OXR1: variants seen among roughly 807,000 people sequenced by gnomAD.
The protein encoded by OXR1 is oxidation resistance protein 1.
OXR1 carries 41 observed loss-of-function variants against 104.6 expected under a neutral mutation model. The ratio of observed to expected loss-of-function variants is 0.39; its 90% confidence interval spans 0.31 to 0.51. OXR1 has a LOEUF of 0.51. OXR1 is among the 20% of genes least tolerant of loss of function. The pLI is 0.77. For synonymous variants in OXR1, 348 were observed against 348.4 expected (o/e 1.00, Z 0.01); for missense variants, 955 against 1,031.9 (o/e 0.93, Z 1.02).
At chr8:106,357,137 G>A (rs1356075967) in intron 1 of OXR1, among the ~76,000 whole-genome samples, 1 of 151,494 alleles carries the variant, frequency 6.6e-6, no homozygotes, top group Non-Finnish European at 1.5e-5. Flanking sequence ...GTCCTCTAAA[G>A]ATGGAATTAA....
chr8:106,387,265 G>A (rs1019053827), intron 2 of OXR1, among the ~76,000 whole-genome samples: 4 of 152,228 alleles, frequency 2.6e-5, no homozygotes, highest in African/African-American at 9.6e-5. Context: ...ATCAGGGAAT[G>A]CAGGTTTGCA....
chr8:106,472,269 A>G (rs1043745090), intron 2 of OXR1, among the ~76,000 whole-genome samples: 7 of 151,808 alleles, frequency 4.6e-5, no homozygotes, highest in Non-Finnish European at 7.4e-5. Flanking sequence ...TTATAGGCAA[A>G]CAATATAATC....
intron 2 of OXR1, among the ~76,000 whole-genome samples, chr8:106,408,790 C>T (rs1292958026): frequency 1.3e-5 from 2 of 152,166 alleles, no homozygotes; most frequent in East Asian, 3.8e-4. Flanking sequence ...GTAAGAGCAG[C>T]TAGGTGACTG....
intron 3 of OXR1, chr8:106,581,397 C>T (rs908591049): frequency 3.6e-5 from 15 of 417,290 alleles, no homozygotes; most frequent in South Asian, 4.4e-5. Context: ...ATAGTAGATT[C>T]GGATATTTGT....
At chr8:106,566,686 C>T (rs934068349) in intron 3 of OXR1, among the ~76,000 whole-genome samples, 1 of 152,204 alleles carries the variant, frequency 6.6e-6, no homozygotes, top group Non-Finnish European at 1.5e-5. Context: ...TTTATTATAG[C>T]ACTATTCACA....
At chr8:106,738,904 A>G in intron 12 of OXR1, among the ~76,000 whole-genome samples, 1 of 152,170 alleles carries the variant, frequency 6.6e-6, no homozygotes, top group East Asian at 1.9e-4. Flanking sequence ...GAAAGCATTT[A>G]AAAAAATGGT....
At chr8:106,656,977 T>C (rs1296403937) in intron 3 of OXR1, among the ~76,000 whole-genome samples, 1 of 152,006 alleles carries the variant, frequency 6.6e-6, no homozygotes, top group Non-Finnish European at 1.5e-5. Context: ...CCCCAATATA[T>C]TAATATATTG....
At chr8:106,296,123 T>G (rs960118880) in intron 1 of OXR1, among the ~76,000 whole-genome samples, 4 of 152,226 alleles carry the variant, frequency 2.6e-5, no homozygotes, top group African/African-American at 9.6e-5. Flanking sequence ...TGAAGTCTCC[T>G]GCTGGTTGTC....
At chr8:106,422,636 A>G (rs1231969275) in intron 2 of OXR1, among the ~76,000 whole-genome samples, 1 of 152,146 alleles carries the variant, frequency 6.6e-6, no homozygotes, top group Non-Finnish European at 1.5e-5. Flanking sequence ...ATGACTTCTC[A>G]GAGTTCATAC....
intron 3 of OXR1, among the ~76,000 whole-genome samples, chr8:106,577,378 C>CTTTT (rs5893798): frequency 0.013 from 546 of 43,620 alleles, 92 homozygotes; most frequent in South Asian, 0.021. Context: ...GCCCAGCTAA[C>CTTTT]TTTTTTTTTT....
chr8:106,677,319 T>C (rs1827704060), intron 3 of OXR1, among the ~76,000 whole-genome samples: 1 of 152,188 alleles, frequency 6.6e-6, no homozygotes, highest in East Asian at 1.9e-4. Context: ...TTATTTTATC[T>C]TAAAATAGTT....
intron 1 of OXR1, among the ~76,000 whole-genome samples, chr8:106,324,428 G>C (rs1814370355): frequency 6.8e-6 from 1 of 147,240 alleles, no homozygotes; most frequent in Non-Finnish European, 1.5e-5. Flanking sequence ...TAATACATGG[G>C]TGATGAAATA....
chr8:106,367,429 A>G (rs1816520976), intron 2 of OXR1, among the ~76,000 whole-genome samples: 1 of 152,084 alleles, frequency 6.6e-6, no homozygotes, highest in Non-Finnish European at 1.5e-5. Flanking sequence ...TTAGTTTATG[A>G]ATGAATAATT....
chr8:106,284,663 G>A (rs1008827708), intron 1 of OXR1, among the ~76,000 whole-genome samples: 2 of 152,158 alleles, frequency 1.3e-5, no homozygotes, highest in African/African-American at 4.8e-5. Context: ...CAAGCTTTCA[G>A]TTTCAGTGCT....
chr8:106,665,354 A>C (rs535769047), intron 3 of OXR1, among the ~76,000 whole-genome samples: 1 of 152,370 alleles, frequency 6.6e-6, no homozygotes, highest in South Asian at 2.1e-4. Context: ...AACTCCACAC[A>C]GACAGTGGCC....
At chr8:106,574,834 TCTTTA>T (rs1426004995) in intron 3 of OXR1, among the ~76,000 whole-genome samples, 2 of 152,264 alleles carry the variant, frequency 1.3e-5, no homozygotes, top group Non-Finnish European at 2.9e-5. Context: ...TAACATGTAC[TCTTTA>T]CTTCTGATGT....
chr8:106,514,802 TG>T (rs1249869531), intron 2 of OXR1, among the ~76,000 whole-genome samples: 1 of 152,058 alleles, frequency 6.6e-6, no homozygotes, highest in Non-Finnish European at 1.5e-5. Flanking sequence ...ATCTGCTATG[TG>T]AATTGAAGGT....
chr8:106,707,589 T>G (rs1831269491), intron 9 of OXR1: 1 of 205,370 alleles, frequency 4.9e-6, no homozygotes, highest in Non-Finnish European at 9.6e-6. Context: ...AAAGTGTACT[T>G]ACAGAATTCT....
At chr8:106,531,885 T>G (rs1814122387) in intron 3 of OXR1, among the ~76,000 whole-genome samples, 1 of 152,174 alleles carries the variant, frequency 6.6e-6, no homozygotes, top group South Asian at 2.1e-4. Flanking sequence ...TGGGATGGAA[T>G]GGGGATAGCC....
Sources: gnomAD v4.1 joint callset for allele counts (sites outside exome capture counted in the v4.1 genomes callset) on GRCh38, gnomAD v4.1.1 for gene constraint, MANE v1.5 for transcripts, NCBI Gene and HGNC (gene_info 2026-07-23, HGNC 2026-07-21) for gene names.